Variants in GALNT18 observed in about 807,000 individuals in gnomAD.
GALNT18 encodes GalNAc-transferase 18.
In GALNT18, 44 loss-of-function variants were observed where a neutral mutation model predicts 69.5. The ratio of observed to expected loss-of-function variants is 0.63; its 90% CI spans 0.50 to 0.81. GALNT18 has a LOEUF of 0.81. GALNT18 is among the 40% of genes least tolerant of loss of function. The pLI is 0.00. For missense variants in GALNT18, 715 were observed against 810.0 expected, an observed-to-expected ratio of 0.88 and a Z score of 1.42; for synonymous variants, 364 against 318.2, an observed-to-expected ratio of 1.14 and a Z score of -1.53.
chr11:11,574,196 G>A (rs1423164132), intron 1 of GALNT18, among the ~76,000 whole-genome samples: 1 of 152,108 alleles, frequency 6.6e-6, no homozygotes, highest in African/African-American at 2.4e-5. Context: ...ATTCCCTGAG[G>A]TTGCCTATAG....
At chr11:11,550,656 G>C (rs1326632773) in intron 1 of GALNT18, among the ~76,000 whole-genome samples, 1 of 152,188 alleles carries the variant, frequency 6.6e-6, no homozygotes, top group Non-Finnish European at 1.5e-5. Context: ...CCATGCCATG[G>C]GAGTGTACCG....
rs1290790239 is a variant in GALNT18 at position 11,382,087 on chromosome 11, G to A, written c.596-2823C>T. Among the ~76,000 whole-genome samples the A allele has an allele frequency of 4.6e-5, 7 of 152,282 alleles. No homozygotes were observed. Among genetic ancestry groups the A allele is most frequent in the South Asian group, 2.1e-4 (1 of 4,818 alleles). ...GAGCTACTTGCCTCTTTGTACCTGC[G>A]AGCTCTGTTAACACTGAGCTAGAGT... On this transcript the variant is annotated intron_variant, in intron 3 of 10. Coordinates refer to ENST00000227756, the MANE Select transcript of GALNT18 (RefSeq NM_198516.3). This position sits in a 1 kb window ranked among gnomAD's most constrained non-coding sequence, Gnocchi z 4.3.
chr11:11,516,668 C>T (rs549597039), intron 1 of GALNT18, among the ~76,000 whole-genome samples: 6 of 152,220 alleles, frequency 3.9e-5, no homozygotes, highest in African/African-American at 1.4e-4. Context: ...AGTCCTGTAA[C>T]CCCTCAGAGT....
chr11:11,374,683 C>T (rs1034823075), intron 5 of GALNT18, among the ~76,000 whole-genome samples: 4 of 152,196 alleles, frequency 2.6e-5, no homozygotes, highest in African/African-American at 9.7e-5. Flanking sequence ...TGGATTCTAT[C>T]AGCATGAAAG....
rs756741253 is a variant in GALNT18, at chr11:11,340,893, C to A, written c.1204G>T (p.Ala402Ser). Reference sequence around the variant, plus strand: ...ATCCAGACTTCAGCCACCCTGAGAGCGTTCCTGCGGACATGGGCGGTGAGG... The same window carrying A: ...ATCCAGACTTCAGCCACCCTGAGAGAGTTCCTGCGGACATGGGCGGTGAGG... ...EDLTAHVRRN[A>S]LRVAEVWMDE... Residue 402 changes from alanine to serine, a missense_variant, in exon 7 of 11, where the codon GCT becomes TCT. Physicochemically the swap from Ala to Ser is moderately conservative, Grantham distance 99. Transcript: ENST00000227756. This position sits in a 1 kb window ranked among gnomAD's most constrained non-coding sequence, Gnocchi z 4.2. 1.1e-5 allele frequency: 18 copies of A among 1,614,064 alleles called. 2 individuals carry two copies. In the South Asian group the frequency reaches 1.9e-4, roughly 17 times the overall value.
chr11:11,503,601 C>A (rs1857014504), intron 1 of GALNT18, among the ~76,000 whole-genome samples: 1 of 152,188 alleles, frequency 6.6e-6, no homozygotes, highest in Non-Finnish European at 1.5e-5. Flanking sequence ...ATAAAGTAAG[C>A]TCCCAAGAAG....
At position 11,393,193 on chromosome 11, in the gene GALNT18, C is replaced by T. The variant is rs533845061; in HGVS notation, c.596-13929G>A. ...TGTGGGGTGGGCCAGCACTGCCCCC[C>T]AGGACAAAACCTTTCTTATCAGCCC... On this transcript the variant is annotated intron_variant, in intron 3 of 10. Coordinates refer to ENST00000227756, the MANE Select transcript of GALNT18 (RefSeq NM_198516.3). 2.0e-5 allele frequency among the ~76,000 whole-genome samples: 3 copies of T among 152,294 alleles called. No individual in the cohort carries two copies. In the East Asian group the frequency reaches 5.8e-4, roughly 29 times the overall value.
chr11:11,553,942 G>A (rs1020902358), intron 1 of GALNT18, among the ~76,000 whole-genome samples: 2 of 152,122 alleles, frequency 1.3e-5, no homozygotes, highest in African/African-American at 2.4e-5. Flanking sequence ...CGAGCGGCTC[G>A]GGCTCTGCCT....
intron 1 of GALNT18, among the ~76,000 whole-genome samples, chr11:11,574,755 T>C (rs940523003): frequency 7.5e-6 from 1 of 133,570 alleles, no homozygotes; most frequent in Non-Finnish European, 1.7e-5. Context: ...ACAAAACAGA[T>C]GGAGCCAATT....
chr11:11,425,616 CTT>C (rs56151020), intron 3 of GALNT18, among the ~76,000 whole-genome samples: 2 of 149,702 alleles, frequency 1.3e-5, no homozygotes, highest in South Asian at 2.1e-4. Flanking sequence ...GCAAAGAAAA[CTT>C]TTTTTTTTTC....
rs1266872903 is a variant in GALNT18 at position 11,389,289 on chromosome 11, A to G, written c.596-10025T>C. ...AAGGAGTCAGCTTTGTAGGCTCAACAGAAGCTCTTCCCCTGGGACCATAAC... is the reference window on the plus strand; with the variant it reads ...AAGGAGTCAGCTTTGTAGGCTCAACGGAAGCTCTTCCCCTGGGACCATAAC... On this transcript the variant is annotated intron_variant, in intron 3 of 10. Coordinates refer to ENST00000227756, the MANE Select transcript of GALNT18 (RefSeq NM_198516.3). The surrounding 1 kb of genome is among the most constrained non-coding windows in gnomAD (Gnocchi z 4.3). 6.6e-6 allele frequency among the ~76,000 whole-genome samples: 1 copy of G among 152,220 alleles called. No homozygotes were observed. The highest frequency in any genetic ancestry group is 1.5e-5 in the Non-Finnish European group (1 of 68,046).
rs1859970898 is a variant in GALNT18, at chr11:11,613,688, A to G, written c.235+7671T>C. Among the ~76,000 whole-genome samples the G allele has an allele frequency of 6.6e-6, 1 of 152,214 alleles. No individual in the cohort carries two copies. Among genetic ancestry groups the G allele is most frequent in the East Asian group, 1.9e-4 (1 of 5,194 alleles). On this transcript the variant is annotated intron_variant, in intron 1 of 10. Coordinates refer to ENST00000227756, the MANE Select transcript of GALNT18 (RefSeq NM_198516.3). The surrounding 1 kb of genome is among the most constrained non-coding windows in gnomAD (Gnocchi z 4.2). ...CAATTGTAGGAGCCATGAAATGACC[A>G]CATCCCTGCCAAATCCAAGGCAGAA... is the stretch of plus-strand genomic sequence containing the variant.
intron 1 of GALNT18, chr11:11,475,443 A>G (rs1278231010): frequency 6.6e-6 from 1 of 152,210 alleles, no homozygotes; most frequent in Non-Finnish European, 1.5e-5. Context: ...CAGGGTGAGA[A>G]GCTTAAGAGC....
intron 6 of GALNT18, among the ~76,000 whole-genome samples, chr11:11,370,289 T>C (rs1850869176): frequency 6.6e-6 from 1 of 152,204 alleles, no homozygotes; most frequent in Admixed American, 6.5e-5. Context: ...CACAATCGTA[T>C]GGTGTAATTA....
At chr11:11,527,174 C>G (rs1418132166) in intron 1 of GALNT18, among the ~76,000 whole-genome samples, 2 of 152,152 alleles carry the variant, frequency 1.3e-5, no homozygotes, top group African/African-American at 4.8e-5. Context: ...ACCCCCCAAC[C>G]CCTGTCCCCT....
chr11:11,426,549 C>T (rs1855134508), intron 3 of GALNT18, among the ~76,000 whole-genome samples: 1 of 152,218 alleles, frequency 6.6e-6, no homozygotes, highest in Non-Finnish European at 1.5e-5. Context: ...AGGCACTATT[C>T]TAGGTGCTGG....
At chr11:11,281,869 A>G (rs77902496) in intron 10 of GALNT18, among the ~76,000 whole-genome samples, 23,245 of 151,858 alleles carry the variant, frequency 0.15, 2,089 homozygotes, top group South Asian at 0.25. Context: ...TGAGCCTGTC[A>G]GGGAGGGTGG....
At chr11:11,451,738 A>G (rs537705164) in intron 1 of GALNT18, among the ~76,000 whole-genome samples, 1 of 152,318 alleles carries the variant, frequency 6.6e-6, no homozygotes, top group South Asian at 2.1e-4. Context: ...AAGGGACTCA[A>G]TCGATCATTT....
In GALNT18 at chr11:11,389,293, G is replaced by A. The variant is rs1854126284; in HGVS notation, c.596-10029C>T. Among the ~76,000 whole-genome samples the A allele has an allele frequency of 6.6e-6, 1 of 152,184 alleles. No homozygotes were observed. ...AGTCAGCTTTGTAGGCTCAACAGAA[G>A]CTCTTCCCCTGGGACCATAACTCCG... On this transcript the variant is annotated intron_variant, in intron 3 of 10. Transcript: ENST00000227756. The surrounding 1 kb of genome is among the most constrained non-coding windows in gnomAD (Gnocchi z 4.3).
Sources: gnomAD v4.1 joint callset for allele counts (sites outside exome capture counted in the v4.1 genomes callset) on GRCh38, gnomAD v4.1.1 for gene constraint, Gnocchi (gnomAD v3.1) non-coding constraint, MANE v1.5 for transcripts, NCBI Gene and HGNC (gene_info 2026-07-23, HGNC 2026-07-21) for gene names.